CACNA2D1: variants seen among roughly 807,000 people sequenced by gnomAD.
CACNA2D1 encodes calcium voltage-gated channel auxiliary subunit alpha2delta 1, also known as voltage-dependent calcium channel subunit alpha-2/delta-1.
Under a neutral mutation model 171.5 loss-of-function variants are expected in CACNA2D1, and 53 were observed. The observed-to-expected ratio is 0.31, with a 90% CI of 0.25 to 0.39. CACNA2D1 has a LOEUF of 0.39. Among genes scored for constraint, CACNA2D1 ranks in the 10% least tolerant of loss-of-function variants. CACNA2D1 has a pLI of 1.00. For synonymous variants in CACNA2D1, 442 were observed against 443.1 expected (o/e 1.00, Z 0.03); for missense variants, 903 against 1,299.8 (o/e 0.69, Z 4.69).
intron 38 of CACNA2D1, among the ~76,000 whole-genome samples, chr7:81,957,877 C>T (rs1793611378): frequency 6.6e-6 from 1 of 151,962 alleles, no homozygotes; most frequent in African/African-American, 2.4e-5. Context: ...ATATTTTGGG[C>T]AATAGGCTTT....
At chr7:81,988,354 AT>A (rs1330327002) in intron 21 of CACNA2D1, among the ~76,000 whole-genome samples, 2 of 152,204 alleles carry the variant, frequency 1.3e-5, no homozygotes, top group African/African-American at 4.8e-5. Context: ...GTATAAAGAA[AT>A]GCCTAGAAAT....
intron 3 of CACNA2D1, among the ~76,000 whole-genome samples, chr7:82,241,524 T>C (rs1804282502): frequency 6.6e-6 from 1 of 152,162 alleles, no homozygotes; most frequent in African/African-American, 2.4e-5. Context: ...ACTTCAAATC[T>C]GTGGGATCAA....
At chr7:82,252,762 T>C (rs563850952) in intron 3 of CACNA2D1, among the ~76,000 whole-genome samples, 20 of 152,096 alleles carry the variant, frequency 1.3e-4, no homozygotes, top group Non-Finnish European at 2.2e-4. Context: ...TGGTGGTGCG[T>C]GCCTGTAGTC....
intron 3 of CACNA2D1, among the ~76,000 whole-genome samples, chr7:82,300,331 T>A (rs546065565): frequency 1.3e-5 from 2 of 152,002 alleles, no homozygotes; most frequent in Non-Finnish European, 2.9e-5. Flanking sequence ...AACTAGATCA[T>A]AGAAGGACTC....
rs5885271 is a variant in CACNA2D1 at position 82,138,449 on chromosome 7, GTTT to G, written c.355-1776_355-1774del. ...TAGTTTTGTTTTTTTTGTTTTTTTT[GTTT>G]TTTTTTTTTTTTGAGACAGAGTGTC... On this transcript the variant is annotated intron_variant, in intron 4 of 38. Transcript: ENST00000356860. Among the ~76,000 whole-genome samples, 7 of 101,558 alleles carry G rather than the reference GTTT, an allele frequency of 6.9e-5. No homozygotes were observed. In the East Asian group the frequency reaches 8.9e-4, roughly 13 times the overall value. 66.6% of individuals were successfully genotyped at this position (101,558 alleles called of 152,430 possible).
rs561504754 is a variant in CACNA2D1 at position 82,038,083 on chromosome 7, C to T, written c.1032G>A (p.Leu344=). 9.3e-6 allele frequency: 15 copies of T among 1,613,258 alleles called. No homozygotes were observed. Among genetic ancestry groups the T allele is most frequent in the South Asian group, 4.4e-5 (4 of 91,068 alleles). ...GACATAGCATGATACTTACATTAAG[C>T]AGCTGTTCAAAAGCAAAACTAAAGC... ...KKGFSFAFEQ[L]LNYNVSRANC... Residue 344 remains leucine, a synonymous_variant, in exon 11 of 39, where the codon CTG becomes CTA. Transcript: ENST00000356860.
intron 3 of CACNA2D1, among the ~76,000 whole-genome samples, chr7:82,319,779 G>A (rs1815588460): frequency 6.6e-6 from 1 of 152,236 alleles, no homozygotes; most frequent in African/African-American, 2.4e-5. Flanking sequence ...AACATTTATA[G>A]GAGTAGCTGT....
chr7:82,038,035 A>C, intron 11 of CACNA2D1, 42 bp downstream of exon 11: 4 of 1,597,074 alleles, frequency 2.5e-6, no homozygotes, highest in Non-Finnish European at 3.4e-6. Flanking sequence ...AGATACTACA[A>C]TTGAACAACA....
At chr7:82,309,093 A>G (rs1008988478) in intron 3 of CACNA2D1, among the ~76,000 whole-genome samples, 1 of 152,314 alleles carries the variant, frequency 6.6e-6, no homozygotes. Context: ...AATCTTTGGT[A>G]AACAAAGCTA....
chr7:81,973,477 A>G (rs904865548), intron 25 of CACNA2D1, among the ~76,000 whole-genome samples: 1 of 152,060 alleles, frequency 6.6e-6, no homozygotes, highest in Non-Finnish European at 1.5e-5. Context: ...GTCAGCTTTA[A>G]GAAAGCCTTT....
At chr7:82,298,743 A>G (rs955926535) in intron 3 of CACNA2D1, among the ~76,000 whole-genome samples, 7 of 152,092 alleles carry the variant, frequency 4.6e-5, no homozygotes, top group Non-Finnish European at 1.5e-5. Context: ...TAATGAGGCA[A>G]GTTTATGTAC....
At chr7:82,121,410 C>A (rs552089434) in intron 5 of CACNA2D1, among the ~76,000 whole-genome samples, 8 of 152,204 alleles carry the variant, frequency 5.3e-5, no homozygotes, top group Admixed American at 4.6e-4. Context: ...GAAGACTCAA[C>A]AGAATTGCAG....
intron 24 of CACNA2D1, among the ~76,000 whole-genome samples, chr7:81,976,918 C>T (rs1795913823): frequency 6.6e-6 from 1 of 152,258 alleles, no homozygotes; most frequent in East Asian, 1.9e-4. Context: ...TGAGACTTTG[C>T]TGAAGTTGCT....
chr7:82,297,634 A>G (rs1183418888), intron 3 of CACNA2D1, among the ~76,000 whole-genome samples: 2 of 152,192 alleles, frequency 1.3e-5, no homozygotes, highest in Non-Finnish European at 2.9e-5. Flanking sequence ...TACAATGGCT[A>G]CGTTTTTATT....
chr7:82,118,924 A>G (rs1197214157), intron 5 of CACNA2D1, among the ~76,000 whole-genome samples: 3 of 152,162 alleles, frequency 2.0e-5, no homozygotes, highest in African/African-American at 7.2e-5. Context: ...GAATTTCTCA[A>G]TTGAACTCAT....
At chr7:82,145,636 AT>A (rs1412264155) in intron 4 of CACNA2D1, among the ~76,000 whole-genome samples, 6 of 124,014 alleles carry the variant, frequency 4.8e-5, no homozygotes, top group Admixed American at 1.8e-4. Flanking sequence ...ACATATAAAA[AT>A]TTTATATGTA....
chr7:82,154,463 A>G (rs900258084), intron 4 of CACNA2D1, among the ~76,000 whole-genome samples: 1 of 152,064 alleles, frequency 6.6e-6, no homozygotes, highest in African/African-American at 2.4e-5. Flanking sequence ...AACACACACC[A>G]GGGCCTGTTG....
At chr7:82,225,061 GA>G (rs1173264091) in intron 3 of CACNA2D1, among the ~76,000 whole-genome samples, 2 of 152,146 alleles carry the variant, frequency 1.3e-5, no homozygotes, top group East Asian at 3.9e-4. Flanking sequence ...TTGTCCAAGT[GA>G]TCTTACTACT....
intron 4 of CACNA2D1, among the ~76,000 whole-genome samples, chr7:82,142,274 T>G (rs1008418573): frequency 6.6e-6 from 1 of 152,232 alleles, no homozygotes; most frequent in Non-Finnish European, 1.5e-5. Context: ...TCCATGCTAA[T>G]ATAATACTGC....
Sources: allele counts gnomAD v4.1 joint callset (sites outside exome capture counted in the v4.1 genomes callset), GRCh38; gene constraint gnomAD v4.1.1; transcripts MANE v1.5; gene names NCBI Gene and HGNC (gene_info 2026-07-23, HGNC 2026-07-21).